ZHX3: variants seen among roughly 807,000 people sequenced by gnomAD.
The protein encoded by ZHX3 is zinc fingers and homeoboxes protein 3.
A neutral mutation model predicts 64.5 loss-of-function variants in ZHX3; 20 were observed. The ratio of observed to expected loss-of-function variants is 0.31; its 90% CI spans 0.22 to 0.45. The LOEUF is 0.45. Ranked by LOEUF, ZHX3 falls within the 20% of genes least tolerant of loss-of-function variation. The pLI is 1.00. For missense variants in ZHX3, 1,041 were observed against 1,195.8 expected, an observed-to-expected ratio of 0.87 and a Z score of 1.91; for synonymous variants, 423 against 461.6, an observed-to-expected ratio of 0.92 and a Z score of 1.07.
In ZHX3 at chr20:41,294,116, C is replaced by T. The variant is rs370064554; in HGVS notation, c.-245+23393G>A. On this transcript the variant is annotated intron_variant, in intron 1 of 3. Coordinates refer to ENST00000683867, the MANE Select transcript of ZHX3 (RefSeq NM_001384317.1). ...GAAAGAATGAGTTAAGAAAGGATGA[C>T]CACCTCCCAGGGAGTAGTAGCTCAG... Among the ~76,000 whole-genome samples the T allele has an allele frequency of 5.9e-5, 9 of 152,196 alleles. No individual in the cohort carries two copies. In the South Asian group the frequency reaches 6.2e-4, roughly 11 times the overall value.
intron 2 of ZHX3, among the ~76,000 whole-genome samples, chr20:41,254,404 A>G (rs999140750): frequency 6.6e-6 from 1 of 152,184 alleles, no homozygotes; most frequent in Admixed American, 6.5e-5. Context: ...GATAATAAAC[A>G]TGTAGCACTT....
In ZHX3 at chr20:41,226,164, G is replaced by A. The variant is rs371495193; in HGVS notation, c.-150-21098C>T. Among the ~76,000 whole-genome samples the A allele has an allele frequency of 1.4e-4, 22 of 152,178 alleles. No individual in the cohort carries two copies. The highest frequency in any genetic ancestry group is 5.1e-4 in the African/African-American group (21 of 41,540). On this transcript the variant is annotated intron_variant, in intron 2 of 3. Coordinates refer to ENST00000683867, the MANE Select transcript of ZHX3 (RefSeq NM_001384317.1). This position sits in a 1 kb window ranked among gnomAD's most constrained non-coding sequence, Gnocchi z 4.4. ...TGTAATCCCAGCACTTTGGGAGGCC[G>A]AGGCGGGTGGATCATGAGGTCAGGA...
At chr20:41,210,853 A>G (rs1429669129) in intron 2 of ZHX3, among the ~76,000 whole-genome samples, 2 of 152,200 alleles carry the variant, frequency 1.3e-5, no homozygotes, top group Non-Finnish European at 2.9e-5. Context: ...AAAAAGAATT[A>G]TAAGTAATCT....
rs2036325717 is a variant in ZHX3 at position 41,183,715 on chromosome 20, G to A, written c.*1476C>T. The A allele has an allele frequency of 6.6e-6, 1 of 152,312 alleles. No homozygotes were observed. The highest frequency in any genetic ancestry group is 2.4e-5 in the African/African-American group (1 of 41,464). The allele number at this position is 152,312 out of a possible 1,614,324, so 9.4% of individuals were successfully genotyped here. On this transcript the variant is annotated 3_prime_UTR_variant, in exon 4 of 4. Coordinates refer to ENST00000683867, the MANE Select transcript of ZHX3 (RefSeq NM_001384317.1). This position sits in a 1 kb window ranked among gnomAD's most constrained non-coding sequence, Gnocchi z 5.3. ...TGTGGCTTGGCACTCTGGGAAGCAG[G>A]TGGTTTCTAAGAAATGAGCGGAGCT...
chr20:41,204,600 T>C lies in ZHX3; in HGVS notation c.317A>G (p.Asp106Gly). The change falls in exon 3 of 4, where the codon GAC becomes GGC. Residue 106 changes from aspartate (D) to glycine (G), a missense_variant. Around this residue, in one of 4 missense-constraint regions of ZHX3, gnomAD observed 358 missense variants for 369.1 expected, o/e 0.97. Transcript: ENST00000683867. The surrounding 1 kb of genome is among the most constrained non-coding windows in gnomAD (Gnocchi z 6.6). ...MNSEHTDFNK[D>G]PTFVCSGCSF... ...GCACCCACTGCATACAAAGGTTGGG[T>C]CTTTATTAAAGTCTGTGTGCTCTGA... The C allele has an allele frequency of 6.2e-7, 1 of 1,614,204 alleles. No homozygotes were observed.
chr20:41,310,678 AG>A (rs949011308), intron 1 of ZHX3, among the ~76,000 whole-genome samples: 1 of 146,092 alleles, frequency 6.8e-6, no homozygotes, highest in Admixed American at 6.8e-5. Flanking sequence ...GATGGGGAAG[AG>A]GTTTTTTTTT....
At chr20:41,192,531 C>T (rs2037116772) in intron 3 of ZHX3, among the ~76,000 whole-genome samples, 1 of 152,256 alleles carries the variant, frequency 6.6e-6, no homozygotes. Context: ...TCCAGTGGCA[C>T]TTGTGCCTCA....
At chr20:41,190,094 G>A (rs1169785485) in intron 3 of ZHX3, among the ~76,000 whole-genome samples, 3 of 151,984 alleles carry the variant, frequency 2.0e-5, no homozygotes, top group Admixed American at 6.6e-5. Flanking sequence ...TCTTCATTCT[G>A]TTGATGTGAT....
chr20:41,187,444 A>C (rs1454181956), intron 3 of ZHX3, among the ~76,000 whole-genome samples: 1 of 151,998 alleles, frequency 6.6e-6, no homozygotes, highest in Non-Finnish European at 1.5e-5. Flanking sequence ...ATTTTAAGTA[A>C]ATTTCTGTAT....
intron 3 of ZHX3, chr20:41,196,564 A>ATT (rs2037708051): frequency 3.9e-5 from 3 of 76,956 alleles, no homozygotes; most frequent in South Asian, 3.4e-4. Context: ...TATTATATAT[A>ATT]ATATATATAA....
chr20:41,290,462 A>C (rs1191736369), intron 1 of ZHX3: 1 of 152,246 alleles, frequency 6.6e-6, no homozygotes, highest in Non-Finnish European at 1.5e-5. Flanking sequence ...TGCCAAACTC[A>C]GTGTGGACAC....
chr20:41,292,724 G>T (rs1414295095), intron 1 of ZHX3, among the ~76,000 whole-genome samples: 1 of 152,140 alleles, frequency 6.6e-6, no homozygotes, highest in Non-Finnish European at 1.5e-5. Context: ...TCTTATAAAA[G>T]AATTTTATCA....
In ZHX3 at chr20:41,185,109, GC is replaced by G. The variant is rs753753054; in HGVS notation, c.*81del. On this transcript the variant is annotated 3_prime_UTR_variant, in exon 4 of 4. Coordinates refer to ENST00000683867, the MANE Select transcript of ZHX3 (RefSeq NM_001384317.1). The surrounding 1 kb of genome is among the most constrained non-coding windows in gnomAD (Gnocchi z 5.0). ...CAGCCGGGCATGGGAACGGCATGTGGCAGCAGAGAGTCGGGTTTGGCTCTTC... is the reference window on the plus strand; with the variant it reads ...CAGCCGGGCATGGGAACGGCATGTGGAGCAGAGAGTCGGGTTTGGCTCTTC... 6 of 1,578,798 alleles carry G rather than the reference GC, an allele frequency of 3.8e-6. No homozygotes were observed. The highest frequency in any genetic ancestry group is 4.3e-6 in the Non-Finnish European group (5 of 1,160,136).
At chr20:41,295,874 A>G (rs1479410870) in intron 1 of ZHX3, among the ~76,000 whole-genome samples, 1 of 151,994 alleles carries the variant, frequency 6.6e-6, no homozygotes, top group East Asian at 1.9e-4. Context: ...AATTATCAGG[A>G]GCCAAAATAA....
intron 2 of ZHX3, among the ~76,000 whole-genome samples, chr20:41,264,559 CAAA>C (rs1459734000): frequency 2.4e-5 from 2 of 83,892 alleles, no homozygotes; most frequent in Non-Finnish European, 2.6e-5. Context: ...AACTCCATCT[CAAA>C]AAAAAAAAAA....
At chr20:41,227,032 C>T (rs917707432) in intron 2 of ZHX3, among the ~76,000 whole-genome samples, 156 of 152,300 alleles carry the variant, frequency 1.0e-3, no homozygotes, top group African/African-American at 3.6e-3. Flanking sequence ...AGATTAAGTC[C>T]TATTCACTGG....
intron 1 of ZHX3, among the ~76,000 whole-genome samples, chr20:41,279,357 C>A (rs555646541): frequency 6.6e-6 from 1 of 152,232 alleles, no homozygotes; most frequent in South Asian, 2.1e-4. Context: ...CACATACACA[C>A]AAAAACACAC....
At chr20:41,302,525 C>A (rs1252295415) in intron 1 of ZHX3, among the ~76,000 whole-genome samples, 1 of 152,192 alleles carries the variant, frequency 6.6e-6, no homozygotes, top group Non-Finnish European at 1.5e-5. Flanking sequence ...TGCGCAGGTC[C>A]TGCACCTCAC....
intron 1 of ZHX3, among the ~76,000 whole-genome samples, chr20:41,302,035 C>G (rs1340313218): frequency 2.5e-5 from 3 of 120,996 alleles, no homozygotes; most frequent in African/African-American, 3.3e-5. Context: ...GCCTGGGCGA[C>G]GGAGCGAGAC....
Sources: gnomAD v4.1 joint callset for allele counts (sites outside exome capture counted in the v4.1 genomes callset) on GRCh38, gnomAD v4.1.1 for gene constraint, gnomAD v4.1.1 regional missense constraint, Gnocchi (gnomAD v3.1) non-coding constraint, MANE v1.5 for transcripts, NCBI Gene and HGNC (gene_info 2026-07-23, HGNC 2026-07-21) for gene names.